CWC27: variants seen among roughly 807,000 people sequenced by gnomAD.
CWC27 encodes spliceosome-associated protein CWC27 homolog.
A neutral mutation model predicts 63.6 loss-of-function variants in CWC27; 47 were observed. The ratio of observed to expected loss-of-function variants is 0.74; its 90% CI spans 0.58 to 0.94. The LOEUF (loss-of-function observed/expected upper bound fraction) is 0.94, where lower values mean the gene tolerates loss of function less well. Among genes scored for constraint, CWC27 ranks in the 40% least tolerant of loss-of-function variants. The pLI is 0.00. For synonymous variants in CWC27, 175 were observed against 179.8 expected, an observed-to-expected ratio of 0.97 and a Z score of 0.22; for missense variants, 495 against 554.3, an observed-to-expected ratio of 0.89 and a Z score of 1.07.
In CWC27 at chr5:64,769,083, G is replaced by A. The variant is rs960289448; in HGVS notation, c.-64G>A. ...GGAAGAGTGTACTCGTAGGCGGACA[G>A]CTTTAGTGGCCGGCCGGCCGCTCTC... is the stretch of plus-strand genomic sequence containing the variant. On this transcript the variant is annotated 5_prime_UTR_variant, in exon 1 of 14. Coordinates refer to ENST00000381070, the MANE Select transcript of CWC27 (RefSeq NM_005869.4). The A allele has an allele frequency of 1.5e-5, 21 of 1,409,466 alleles. No homozygotes were observed. The highest frequency in any genetic ancestry group is 2.1e-5 in the Non-Finnish European group (21 of 997,042). The allele number at this position is 1,409,466 out of a possible 1,614,324, so 87.3% of individuals were successfully genotyped here. A position where few individuals can be genotyped will look rare whatever the true frequency, so the allele number is the denominator to read the frequency against.
intron 7 of CWC27, among the ~76,000 whole-genome samples, chr5:64,798,669 C>G (rs1294170899): frequency 6.6e-6 from 1 of 152,014 alleles, no homozygotes; most frequent in Non-Finnish European, 1.5e-5. Context: ...CATATTAATA[C>G]AGAAATTAAA....
rs200915173 is a variant in CWC27 at position 64,781,908 on chromosome 5, AT to A, written c.140-4del. 1,254 of 1,343,788 alleles carry A rather than the reference AT, an allele frequency of 9.3e-4. 1 individual carries two copies. Among genetic ancestry groups the A allele is most frequent in the Non-Finnish European group, 1.1e-3 (1,076 of 955,506 alleles). 83.2% of individuals were successfully genotyped at this position (1,343,788 alleles called of 1,614,324 possible). The stretch of plus-strand genomic sequence containing the variant: ...TTTTAGACATTGATAAATTATTTTT[AT>A]TTTTTTTTCAGCTTATTATGACAAT... On this transcript the variant is annotated splice_polypyrimidine_tract_variant and intron_variant, in intron 2 of 13. Transcript: ENST00000381070.
intron 13 of CWC27, among the ~76,000 whole-genome samples, chr5:64,986,685 G>GCT (rs1749436152): frequency 1.3e-5 from 2 of 151,218 alleles, no homozygotes; most frequent in African/African-American, 4.9e-5. Flanking sequence ...TTTTATCAGA[G>GCT]CCCCCCCCGG....
intron 10 of CWC27, among the ~76,000 whole-genome samples, chr5:64,869,298 A>T (rs190341742): frequency 6.6e-6 from 1 of 152,210 alleles, no homozygotes; most frequent in African/African-American, 2.4e-5. Context: ...CCACATAAAT[A>T]TAAATAAAGC....
intron 10 of CWC27, among the ~76,000 whole-genome samples, chr5:64,856,488 A>T (rs77650381): frequency 8.4e-6 from 1 of 119,190 alleles, no homozygotes. Context: ...GTGTGTGTGT[A>T]TGTGTGTAGT....
intron 7 of CWC27, among the ~76,000 whole-genome samples, chr5:64,791,480 A>G (rs2112184434): frequency 6.6e-6 from 1 of 152,182 alleles, no homozygotes; most frequent in African/African-American, 2.4e-5. Flanking sequence ...CTTAAACCTG[A>G]AAAACACTTT....
intron 11 of CWC27, among the ~76,000 whole-genome samples, chr5:64,952,344 T>C (rs187125448): frequency 1.3e-5 from 2 of 152,158 alleles, no homozygotes; most frequent in Non-Finnish European, 2.9e-5. Flanking sequence ...GTTTAAAAGA[T>C]ACAGTAAAAT....
intron 9 of CWC27, among the ~76,000 whole-genome samples, chr5:64,802,115 G>C (rs556112857): frequency 1.6e-4 from 24 of 152,314 alleles, no homozygotes; most frequent in Non-Finnish European, 3.1e-4. Context: ...AAAAGAAAGT[G>C]ATGAAGGGGG....
At chr5:64,854,083 T>G (rs1746198413) in intron 10 of CWC27, among the ~76,000 whole-genome samples, 1 of 152,218 alleles carries the variant, frequency 6.6e-6, no homozygotes, top group African/African-American at 2.4e-5. Context: ...TGTGACTGGC[T>G]TATTTTACTT....
chr5:64,834,316 T>C (rs1745601900), intron 10 of CWC27, among the ~76,000 whole-genome samples: 1 of 151,682 alleles, frequency 6.6e-6, no homozygotes, highest in Admixed American at 6.6e-5. Context: ...AGCTCTGATA[T>C]TAAGTCTCCT....
Position 64,916,135 on chromosome 5 carries a change from C to G in CWC27, c.1042+30589C>G, listed in dbSNP as rs76044786. ...TTAATATGCCCACTAAAGATTTTCC[C>G]GTTCAACAATGAAATTACATTTTAT... On this transcript the variant is annotated intron_variant, in intron 11 of 13. Transcript: ENST00000381070. Among the ~76,000 whole-genome samples, 582 of 152,294 alleles carry G rather than the reference C, an allele frequency of 3.8e-3. 2 individuals carry two copies. Among genetic ancestry groups the G allele is most frequent in the African/African-American group, 0.012 (502 of 41,570 alleles).
chr5:64,797,520 T>C (rs1354689511), intron 7 of CWC27, among the ~76,000 whole-genome samples: 1 of 152,164 alleles, frequency 6.6e-6, no homozygotes, highest in Non-Finnish European at 1.5e-5. Flanking sequence ...GTAATGATTA[T>C]TAAAATTAAA....
chr5:64,783,870 G>C lies in CWC27; in HGVS notation c.287G>C (p.Arg96Thr). ...EFHSRLRFNRRGLVAMANAGS... is the reference protein window; with the variant it reads ...EFHSRLRFNRTGLVAMANAGS... ...CATTCACGGTTGCGTTTTAATCGGA[G>C]AGGACTGGTTGCCATGGCAAATGCT... is the stretch of plus-strand genomic sequence containing the variant. Residue 96 changes from arginine (R) to threonine (T), a missense_variant, in exon 4 of 14, where the codon AGA (arginine) becomes ACA (threonine). This residue lies in a region of CWC27 where 463 missense variants were observed against 498.1 expected (regional missense o/e 0.93). Coordinates refer to ENST00000381070, the MANE Select transcript of CWC27 (RefSeq NM_005869.4). 6.3e-7 allele frequency: 1 copy of C among 1,593,390 alleles called. No individual in the cohort carries two copies. Among genetic ancestry groups the C allele is most frequent in the Non-Finnish European group, 8.5e-7 (1 of 1,172,344 alleles).
chr5:64,996,763 T>G (rs2112462711), intron 13 of CWC27, among the ~76,000 whole-genome samples: 1 of 152,290 alleles, frequency 6.6e-6, no homozygotes, highest in Non-Finnish European at 1.5e-5. Context: ...TATCACATTT[T>G]CTGCTAGAAA....
At position 64,776,116 on chromosome 5, in the gene CWC27, A is replaced by AGAGAGAGAGAGAGAGG. The variant is rs1743441952; in HGVS notation, c.139+1335_139+1336insGAGAGAGAGGGAGAGA. The stretch of plus-strand genomic sequence containing the variant: ...GAGAGAGAGAGAGAGAGAGAGAGAG[A>AGAGAGAGAGAGAGAGG]GAGAGAATGAAAGGACATCTGCAAA... On this transcript the variant is annotated intron_variant, in intron 2 of 13. Coordinates refer to ENST00000381070, the MANE Select transcript of CWC27 (RefSeq NM_005869.4). Among the ~76,000 whole-genome samples, 5 of 99,192 alleles carry AGAGAGAGAGAGAGAGG rather than the reference A, an allele frequency of 5.0e-5. 1 individual carries two copies. The highest frequency in any genetic ancestry group is 5.4e-3 in the Middle Eastern group (1 of 186). 65.1% of individuals were successfully genotyped at this position (99,192 alleles called of 152,430 possible).
intron 13 of CWC27, among the ~76,000 whole-genome samples, chr5:65,014,300 T>A (rs1027798493): frequency 6.8e-6 from 1 of 148,028 alleles, no homozygotes; most frequent in Non-Finnish European, 1.5e-5. Flanking sequence ...ATAGTGTATA[T>A]ACTGTATATA....
chr5:64,935,248 A>G (rs970660058), intron 11 of CWC27, among the ~76,000 whole-genome samples: 1 of 152,218 alleles, frequency 6.6e-6, no homozygotes, highest in African/African-American at 2.4e-5. Context: ...TTTACGTTTA[A>G]GTCTTTAATC....
intron 10 of CWC27, among the ~76,000 whole-genome samples, chr5:64,839,091 A>G (rs1004350177): frequency 6.6e-6 from 1 of 152,216 alleles, no homozygotes; most frequent in Non-Finnish European, 1.5e-5. Context: ...GTGAATTCCT[A>G]ACTTCTGTCT....
chr5:64,784,100 A>T (rs1743798625), intron 4 of CWC27, 121 bp downstream of exon 4: 1 of 857,174 alleles, frequency 1.2e-6, no homozygotes, highest in South Asian at 2.5e-5. Context: ...ATTCCATAGG[A>T]TATGTTTATT....
Sources: gnomAD v4.1 joint callset for allele counts (sites outside exome capture counted in the v4.1 genomes callset) on GRCh38, gnomAD v4.1.1 for gene constraint, gnomAD v4.1.1 regional missense constraint, MANE v1.5 for transcripts, NCBI Gene and HGNC (gene_info 2026-07-23, HGNC 2026-07-21) for gene names.